MAP2K4: variants seen among roughly 807,000 people sequenced by gnomAD.
MAP2K4 encodes the protein mitogen-activated protein kinase kinase 4.
Under a neutral mutation model 48.5 loss-of-function variants are expected in MAP2K4, and 4 were observed. The ratio of observed to expected loss-of-function variants is 0.08; its 90% CI spans 0.04 to 0.19. The LOEUF (loss-of-function observed/expected upper bound fraction) is 0.19, where lower values mean the gene tolerates loss of function less well. MAP2K4 is among the 10% of genes least tolerant of loss of function. The probability of loss-of-function intolerance (pLI) is 1.00; values close to 1 mark genes in which losing one functional copy is unlikely to be tolerated. For synonymous variants in MAP2K4, 166 were observed against 173.1 expected, an observed-to-expected ratio of 0.96 and a Z score of 0.32; for missense variants, 258 against 493.3, an observed-to-expected ratio of 0.52 and a Z score of 4.52.
intron 2 of MAP2K4, among the ~76,000 whole-genome samples, chr17:12,066,722 T>C (rs996441855): frequency 1.3e-5 from 2 of 151,996 alleles, no homozygotes; most frequent in Non-Finnish European, 2.9e-5. Flanking sequence ...CGGAGTCTCG[T>C]TCTGTCGCCC....
intron 1 of MAP2K4, among the ~76,000 whole-genome samples, chr17:12,051,748 T>C (rs1970145841): frequency 6.6e-6 from 1 of 152,208 alleles, no homozygotes; most frequent in Non-Finnish European, 1.5e-5. Flanking sequence ...ATTAATGTCC[T>C]ATTTGCTTGT....
chr17:12,043,072 G>A (rs1969844867), intron 1 of MAP2K4, among the ~76,000 whole-genome samples: 2 of 152,008 alleles, frequency 1.3e-5, no homozygotes, highest in African/African-American at 4.8e-5. Context: ...TGTTCTTGAA[G>A]TCAGGAGTCT....
At chr17:12,129,040 A>C in intron 8 of MAP2K4, 99 bp from the exon 9 acceptor site, 10 of 1,100,702 alleles carry the variant, frequency 9.1e-6, no homozygotes, top group South Asian at 1.5e-5. Flanking sequence ...AGGCTTTACT[A>C]GAGTTTTGCT....
At chr17:12,115,324 A>G (rs1972454475) in intron 7 of MAP2K4, among the ~76,000 whole-genome samples, 1 of 152,166 alleles carries the variant, frequency 6.6e-6, no homozygotes, top group Non-Finnish European at 1.5e-5. Context: ...TTGTTGTGCA[A>G]AATCATAAGT....
At chr17:12,118,908 G>C (rs1597486545) in intron 7 of MAP2K4, among the ~76,000 whole-genome samples, 1 of 152,156 alleles carries the variant, frequency 6.6e-6, no homozygotes, top group Non-Finnish European at 1.5e-5. Flanking sequence ...GACTTGGATG[G>C]ATTCCATATG....
chr17:12,029,519 C>A (rs1306436456), intron 1 of MAP2K4, among the ~76,000 whole-genome samples: 1 of 152,038 alleles, frequency 6.6e-6, no homozygotes, highest in East Asian at 1.9e-4. Context: ...AAGTGAGGCA[C>A]ACACGACTTA....
intron 8 of MAP2K4, among the ~76,000 whole-genome samples, chr17:12,126,610 G>T (rs1412552061): frequency 1.3e-5 from 2 of 152,114 alleles, no homozygotes; most frequent in African/African-American, 4.8e-5. Context: ...GATTAATGAG[G>T]GTTCCACCCT....
At chr17:12,118,080 T>G (rs1035668224) in intron 7 of MAP2K4, among the ~76,000 whole-genome samples, 3 of 152,098 alleles carry the variant, frequency 2.0e-5, no homozygotes, top group Non-Finnish European at 2.9e-5. Flanking sequence ...TTATAGAAAT[T>G]TAAGAAAAAA....
intron 8 of MAP2K4, 34 bp from the exon 9 acceptor site, chr17:12,129,105 G>T (rs764323402): frequency 3.7e-6 from 6 of 1,607,776 alleles, no homozygotes; most frequent in South Asian, 1.1e-5. Flanking sequence ...ATGATGCCTG[G>T]TGTATTTTGC....
chr17:12,099,588 G>A (rs535566323), intron 4 of MAP2K4, among the ~76,000 whole-genome samples: 2 of 152,200 alleles, frequency 1.3e-5, no homozygotes, highest in African/African-American at 4.8e-5. Context: ...TTCTAGGATG[G>A]AACCAACCTC....
At chr17:12,033,076 T>G (rs764376374) in intron 1 of MAP2K4, among the ~76,000 whole-genome samples, 1 of 151,994 alleles carries the variant, frequency 6.6e-6, no homozygotes, top group African/African-American at 2.4e-5. Flanking sequence ...GCTCAAGAGA[T>G]CCTCCTTTCT....
chr17:12,081,410 T>A lies in MAP2K4; in HGVS notation c.273T>A (p.Pro91=). 6.2e-7 allele frequency: 1 copy of A among 1,614,126 alleles called. No homozygotes were observed. The change falls in exon 3 of 11, where the codon CCT becomes CCA. Residue 91 remains proline (P), a synonymous_variant. Coordinates refer to ENST00000353533, the MANE Select transcript of MAP2K4 (RefSeq NM_003010.4). The surrounding 1 kb of genome is among the most constrained non-coding windows in gnomAD (Gnocchi z 4.2). ...CATCAGGAAAACTGAAGATCTCCCC[T>A]GAACAACACTGGGATTTCACTGCAG... is the stretch of plus-strand genomic sequence containing the variant. ...IESSGKLKIS[P]EQHWDFTAED...
rs377490722 is a variant in MAP2K4 at position 12,081,363 on chromosome 17, C to G, written c.226C>G (p.Leu76Val). ...TTCCCAATATTTTAACAGAGAGAGA[C>G]TGAGAACACACAGCATTGAGTCATC... ...TGVQNPHIERLRTHSIESSGK... is the reference protein window; with the variant it reads ...TGVQNPHIERVRTHSIESSGK... Residue 76 changes from leucine to valine, a missense_variant, in exon 3 of 11, where the codon CTG becomes GTG. By Grantham distance (32) the Leu-to-Val change is conservative. This residue lies in a region of MAP2K4 where 132 missense variants were observed against 352.8 expected (regional missense o/e 0.37). Transcript: ENST00000353533. The surrounding 1 kb of genome is among the most constrained non-coding windows in gnomAD (Gnocchi z 4.2). 1 of 1,607,152 alleles carries G rather than the reference C, an allele frequency of 6.2e-7. No individual in the cohort carries two copies. The highest frequency in any genetic ancestry group is 8.5e-7 in the Non-Finnish European group (1 of 1,178,154).
chr17:12,054,040 A>G (rs896413469), intron 1 of MAP2K4, among the ~76,000 whole-genome samples: 1 of 152,182 alleles, frequency 6.6e-6, no homozygotes, highest in African/African-American at 2.4e-5. Flanking sequence ...TCCTAAAGAA[A>G]TGATTCTGTA....
intron 4 of MAP2K4, among the ~76,000 whole-genome samples, chr17:12,096,893 A>C (rs1382513133): frequency 1.3e-5 from 2 of 152,150 alleles, no homozygotes; most frequent in Admixed American, 6.5e-5. Flanking sequence ...TTGAATCACT[A>C]ATTGTTAATT....
rs911976405 is a variant in MAP2K4, at chr17:12,081,826, G to A, written c.393+296G>A. On this transcript the variant is annotated intron_variant, in intron 3 of 10. Transcript: ENST00000353533. The surrounding 1 kb of genome is among the most constrained non-coding windows in gnomAD (Gnocchi z 4.2). ...CTGCCAAGGTGAGTTCAGGCTGGGC[G>A]GCTGCACCCCTGGGAGCAGGGCAGT... The A allele has an allele frequency of 2.8e-5, 14 of 495,916 alleles. No individual in the cohort carries two copies. The highest frequency in any genetic ancestry group is 1.8e-4 in the South Asian group (11 of 61,872). The allele number at this position is 495,916 out of a possible 1,614,324, so 30.7% of individuals were successfully genotyped here. A position where few individuals can be genotyped will look rare whatever the true frequency, so the allele number is the denominator to read the frequency against.
intron 2 of MAP2K4, among the ~76,000 whole-genome samples, chr17:12,059,996 G>C (rs1177119759): frequency 6.6e-6 from 1 of 151,956 alleles, no homozygotes; most frequent in Non-Finnish European, 1.5e-5. Flanking sequence ...TGGGCAACAT[G>C]GCAAAACCCC....
intron 5 of MAP2K4, among the ~76,000 whole-genome samples, chr17:12,109,414 A>G (rs28923218): frequency 6.6e-6 from 1 of 152,298 alleles, no homozygotes; most frequent in East Asian, 1.9e-4. Context: ...AAACCAGCAA[A>G]CAAGCATAGC....
intron 4 of MAP2K4, among the ~76,000 whole-genome samples, chr17:12,095,897 G>T (rs1205677898): frequency 1.4e-4 from 9 of 62,744 alleles, no homozygotes; most frequent in Non-Finnish European, 3.2e-4. Context: ...ACGTGTGTTT[G>T]TGTGTGTGTG....
Sources: allele counts gnomAD v4.1 joint callset (sites outside exome capture counted in the v4.1 genomes callset), GRCh38; gene constraint gnomAD v4.1.1; regional missense constraint gnomAD v4.1.1; non-coding constraint Gnocchi (gnomAD v3.1); transcripts MANE v1.5; gene names NCBI Gene and HGNC (gene_info 2026-07-23, HGNC 2026-07-21).